The following DAB1 variants were observed in gnomAD, a reference collection of about 807,000 sequenced individuals.
DAB1 encodes the protein disabled homolog 1.
DAB1 carries 15 observed loss-of-function variants against 64.6 expected under a neutral mutation model. That is an observed-to-expected ratio of 0.23 (90% CI 0.16 to 0.36). DAB1 has a LOEUF of 0.36. DAB1 is among the 10% of genes least tolerant of loss of function. The pLI is 1.00. For missense variants in DAB1, 596 were observed against 706.7 expected, an observed-to-expected ratio of 0.84 and a Z score of 1.78; for synonymous variants, 235 against 251.9, an observed-to-expected ratio of 0.93 and a Z score of 0.64.
At chr1:57,802,037 G>GA (rs1379011178) in intron 6 of DAB1, among the ~76,000 whole-genome samples, 1 of 152,200 alleles carries the variant, frequency 6.6e-6, no homozygotes, top group Non-Finnish European at 1.5e-5. Flanking sequence ...ATCCAGATTG[G>GA]AATAGGTTCC....
chr1:58,425,132 T>A (rs1644809840), intron 3 of DAB1, among the ~76,000 whole-genome samples: 1 of 152,234 alleles, frequency 6.6e-6, no homozygotes, highest in Non-Finnish European at 1.5e-5. Context: ...TCTGCCTAGA[T>A]TAATTCATGA....
intron 2 of DAB1, among the ~76,000 whole-genome samples, chr1:57,155,090 G>T (rs760101082): frequency 1.3e-5 from 2 of 152,192 alleles, no homozygotes; most frequent in African/African-American, 4.8e-5. Flanking sequence ...TACTGCCGAA[G>T]AAATTTTTGC....
intron 6 of DAB1, among the ~76,000 whole-genome samples, chr1:57,814,208 C>T (rs551562588): frequency 1.3e-4 from 20 of 152,304 alleles, no homozygotes; most frequent in South Asian, 4.1e-4. Flanking sequence ...ATCCTGAACC[C>T]CGTGTGTCTT....
At chr1:57,614,275 A>C (rs543484510) in intron 7 of DAB1, among the ~76,000 whole-genome samples, 2 of 152,338 alleles carry the variant, frequency 1.3e-5, no homozygotes, top group African/African-American at 2.4e-5. Context: ...ACAAACAAAC[A>C]AACCCCAAAT....
intron 4 of DAB1, among the ~76,000 whole-genome samples, chr1:58,194,248 G>C (rs1408407537): frequency 6.6e-6 from 1 of 152,184 alleles, no homozygotes; most frequent in Non-Finnish European, 1.5e-5. Context: ...TTCAAATTCT[G>C]ACTCCAGCAC....
chr1:57,726,136 A>C (rs1372231898), intron 6 of DAB1, among the ~76,000 whole-genome samples: 1 of 152,228 alleles, frequency 6.6e-6, no homozygotes, highest in Non-Finnish European at 1.5e-5. Context: ...ATGGGTAGTT[A>C]CTAACTTTGA....
In DAB1 at chr1:57,023,888, C is replaced by T. The variant is rs925632387; in HGVS notation, c.787-249G>A. ...TTTACATTACTTAAATTTTTAGCAC[C>T]GTGCATAGGCATGTAGTAGGTGCTT... is the stretch of plus-strand genomic sequence containing the variant. On this transcript the variant is annotated intron_variant, in intron 10 of 14. Transcript: ENST00000371236. Among the ~76,000 whole-genome samples the T allele has an allele frequency of 3.3e-5, 5 of 152,214 alleles. No individual in the cohort carries two copies. In the South Asian group the frequency reaches 6.2e-4, roughly 19 times the overall value.
chr1:57,778,998 A>T (rs973825427), intron 6 of DAB1, among the ~76,000 whole-genome samples: 4 of 151,978 alleles, frequency 2.6e-5, no homozygotes, highest in African/African-American at 9.7e-5. Context: ...ATGGAGAATC[A>T]GTAGCAAAGA....
At chr1:57,475,326 T>A (rs564317559) in intron 7 of DAB1, among the ~76,000 whole-genome samples, 2 of 152,204 alleles carry the variant, frequency 1.3e-5, no homozygotes, top group South Asian at 4.2e-4. Context: ...TCAGTCCGGA[T>A]GTTGCACCCA....
intron 6 of DAB1, among the ~76,000 whole-genome samples, chr1:57,760,469 C>G (rs1649024733): frequency 6.6e-6 from 1 of 152,070 alleles, no homozygotes; most frequent in Non-Finnish European, 1.5e-5. Context: ...GCCCAGGTCT[C>G]TAAGAACATG....
At chr1:57,696,024 A>C (rs1418124719) in intron 6 of DAB1, among the ~76,000 whole-genome samples, 1 of 152,216 alleles carries the variant, frequency 6.6e-6, no homozygotes, top group Non-Finnish European at 1.5e-5. Flanking sequence ...TTAACACCCA[A>C]GAACTATTTG....
chr1:57,774,680 T>C (rs776300434), intron 6 of DAB1, among the ~76,000 whole-genome samples: 1 of 151,828 alleles, frequency 6.6e-6, no homozygotes, highest in Non-Finnish European at 1.5e-5. Context: ...GTTTTTCTTC[T>C]TCATTCAAAT....
intron 2 of DAB1, among the ~76,000 whole-genome samples, chr1:57,224,241 T>C (rs1459034895): frequency 6.6e-6 from 1 of 152,182 alleles, no homozygotes; most frequent in Non-Finnish European, 1.5e-5. Context: ...GTTGTGGTTA[T>C]GTGTAAAGAA....
intron 7 of DAB1, among the ~76,000 whole-genome samples, chr1:57,641,379 G>GTTTTTTTTT (rs34105483): frequency 1.8e-4 from 20 of 109,966 alleles, no homozygotes; most frequent in African/African-American, 3.1e-4. Flanking sequence ...TTTTTTGTTG[G>GTTTTTTTTT]TTTTTTTTTT....
Position 58,107,360 on chromosome 1 carries a change from A to G in DAB1, n.387+43151T>C, listed in dbSNP as rs374820934. Among the ~76,000 whole-genome samples, 57 of 150,478 alleles carry G rather than the reference A, an allele frequency of 3.8e-4. 2 individuals carry two copies. In the East Asian group the frequency reaches 0.01, roughly 26 times the overall value. ...GTGGTGGGCACCTGTAATCCCCGCT[A>G]CTCGGGAGGCTGAAGCAGGAGAATC... On this transcript the variant is annotated intron_variant and non_coding_transcript_variant, in intron 5 of 20. Transcript: ENST00000485760.
chr1:58,339,803 C>A (rs1327324206), intron 4 of DAB1, among the ~76,000 whole-genome samples: 1 of 152,122 alleles, frequency 6.6e-6, no homozygotes, highest in Non-Finnish European at 1.5e-5. Context: ...TTGCTTCTCA[C>A]TGAAGATTTT....
intron 1 of DAB1, among the ~76,000 whole-genome samples, chr1:57,835,290 T>C (rs1652760777): frequency 6.6e-6 from 1 of 152,144 alleles, no homozygotes; most frequent in Non-Finnish European, 1.5e-5. Context: ...CAGGAAACCA[T>C]GTCTAGGGCT....
chr1:57,441,494 A>G (rs1039646871), intron 7 of DAB1, among the ~76,000 whole-genome samples: 2 of 152,002 alleles, frequency 1.3e-5, no homozygotes, highest in African/African-American at 2.4e-5. Flanking sequence ...AGCTGGGACT[A>G]CAGGCACACA....
chr1:57,590,545 A>C (rs935408236), intron 7 of DAB1, among the ~76,000 whole-genome samples: 1 of 151,654 alleles, frequency 6.6e-6, no homozygotes, highest in Non-Finnish European at 1.5e-5. Context: ...GTTGGCCAGG[A>C]TGGTTTCAAT....
Sources: gnomAD v4.1 joint callset for allele counts (sites outside exome capture counted in the v4.1 genomes callset) on GRCh38, gnomAD v4.1.1 for gene constraint, MANE v1.5 for transcripts, NCBI Gene and HGNC (gene_info 2026-07-23, HGNC 2026-07-21) for gene names.